The following MARK1 variants were observed in gnomAD, a reference collection of about 807,000 sequenced individuals.
The protein encoded by MARK1 is microtubule affinity regulating kinase 1, also known as serine/threonine-protein kinase MARK1.
In MARK1, 40 loss-of-function variants were observed where a neutral mutation model predicts 96.3. The ratio of observed to expected loss-of-function variants is 0.42; its 90% CI spans 0.32 to 0.54. The LOEUF (loss-of-function observed/expected upper bound fraction) is 0.54, where lower values mean the gene tolerates loss of function less well. Ranked by LOEUF, MARK1 falls within the 20% of genes least tolerant of loss-of-function variation. MARK1 has a pLI of 0.16. For synonymous variants in MARK1, 317 were observed against 341.2 expected (o/e 0.93, Z 0.78); for missense variants, 719 against 984.6 (o/e 0.73, Z 3.61).
At chr1:220,602,364 CA>C (rs1665801528) in intron 5 of MARK1, among the ~76,000 whole-genome samples, 1 of 152,084 alleles carries the variant, frequency 6.6e-6, no homozygotes, top group African/African-American at 2.4e-5. Flanking sequence ...TACCATGTGT[CA>C]GGTAATGTTC....
intron 1 of MARK1, among the ~76,000 whole-genome samples, chr1:220,530,723 T>C (rs928759028): frequency 9.9e-5 from 15 of 152,174 alleles, no homozygotes; most frequent in African/African-American, 3.6e-4. Flanking sequence ...TAAATTTTGT[T>C]GTGAGTACCT....
At chr1:220,561,602 G>A (rs74139766) in intron 1 of MARK1, among the ~76,000 whole-genome samples, 1,709 of 152,256 alleles carry the variant, frequency 0.011, 25 homozygotes, top group African/African-American at 0.039. Context: ...CAATGTGACA[G>A]GATTTAAGCA....
intron 3 of MARK1, among the ~76,000 whole-genome samples, chr1:220,591,806 C>G (rs1664999601): frequency 6.6e-6 from 1 of 152,030 alleles, no homozygotes; most frequent in African/African-American, 2.4e-5. Flanking sequence ...TTACCTTGTA[C>G]AGATCACACT....
At chr1:220,635,324 CTTTTTT>C (rs71794752) in intron 11 of MARK1, 46 bp from the exon 12 acceptor site, 131 of 1,153,818 alleles carry the variant, frequency 1.1e-4, no homozygotes, top group South Asian at 3.3e-4. Flanking sequence ...TTTGTGCAAA[CTTTTTT>C]TTTTTTTTTT....
At chr1:220,528,995 T>G (rs768046997) in intron 1 of MARK1, 122 bp downstream of exon 1, 12 of 937,236 alleles carry the variant, frequency 1.3e-5, no homozygotes, top group Non-Finnish European at 1.6e-5. Flanking sequence ...GGTCTCCACC[T>G]GGAGCCCGGC....
chr1:220,571,205 A>G (rs888938232), intron 1 of MARK1, among the ~76,000 whole-genome samples: 2 of 152,210 alleles, frequency 1.3e-5, no homozygotes, highest in African/African-American at 4.8e-5. Flanking sequence ...ATAGAAGATA[A>G]CATATTTAGT....
intron 6 of MARK1, among the ~76,000 whole-genome samples, chr1:220,609,305 G>A (rs1334096563): frequency 2.0e-5 from 3 of 152,162 alleles, no homozygotes; most frequent in Non-Finnish European, 4.4e-5. Context: ...TTACCATTAT[G>A]TAATGGCCTT....
At chr1:220,627,661 C>T in intron 9 of MARK1, 1 of 183,920 alleles carries the variant, frequency 5.4e-6, no homozygotes, top group South Asian at 1.1e-4. Flanking sequence ...TCCTTCCATC[C>T]TTCCCCAGTT....
In MARK1 at chr1:220,631,106, TC is replaced by T; in HGVS notation, c.983del (p.Pro328ArgfsTer9). On this transcript the variant is annotated frameshift_variant, in exon 10 of 18. Coordinates refer to ENST00000366917, the MANE Select transcript of MARK1 (RefSeq NM_018650.5). LOFTEE classifies it high-confidence loss of function. Reference protein sequence around the residue: ...EELKPYTEPDPDFNDTKRIDI... With the variant: ...EELKPYTEPDXDFNDTKRIDI... Reference sequence around the variant, plus strand: ...AACTAAAGCCATATACTGAGCCTGATCCGGATTTCAATGACACAAAAAGAAT... The same window carrying T: ...AACTAAAGCCATATACTGAGCCTGATCGGATTTCAATGACACAAAAAGAAT... The T allele has an allele frequency of 6.2e-7, 1 of 1,612,748 alleles. No homozygotes were observed.
At chr1:220,613,220 G>A (rs1162063679) in intron 6 of MARK1, among the ~76,000 whole-genome samples, 3 of 152,198 alleles carry the variant, frequency 2.0e-5, no homozygotes, top group Non-Finnish European at 4.4e-5. Flanking sequence ...CTTGCATTGA[G>A]TCAGAAGGCA....
chr1:220,549,312 TTAAC>T (rs930154959), intron 1 of MARK1, among the ~76,000 whole-genome samples: 3 of 152,192 alleles, frequency 2.0e-5, no homozygotes, highest in African/African-American at 4.8e-5. Flanking sequence ...GTTGTTTTGT[TTAAC>T]TAACTGAACA....
chr1:220,633,837 T>C (rs1667804440), intron 11 of MARK1, among the ~76,000 whole-genome samples: 1 of 152,198 alleles, frequency 6.6e-6, no homozygotes. Context: ...GAAGTTCAAT[T>C]TGAGCTGGTT....
chr1:220,655,272 G>A (rs1049522475), intron 16 of MARK1, among the ~76,000 whole-genome samples: 2 of 152,026 alleles, frequency 1.3e-5, no homozygotes, highest in Non-Finnish European at 2.9e-5. Context: ...CACTCTTGGT[G>A]ATCTCAGTCA....
At chr1:220,598,425 G>A (rs1665523358) in intron 4 of MARK1, 46 bp downstream of exon 4, 3 of 222,990 alleles carry the variant, frequency 1.3e-5, no homozygotes, top group Non-Finnish European at 1.8e-5. Context: ...TATAATTAGC[G>A]ATGAAGTGTT....
chr1:220,649,116 G>A (rs1158475408), intron 13 of MARK1, among the ~76,000 whole-genome samples: 2 of 152,200 alleles, frequency 1.3e-5, no homozygotes, highest in Non-Finnish European at 2.9e-5. Context: ...CTTTCAAACT[G>A]TGAAATACGG....
At chr1:220,605,556 T>G (rs2102926219) in intron 6 of MARK1, among the ~76,000 whole-genome samples, 1 of 152,216 alleles carries the variant, frequency 6.6e-6, no homozygotes, top group South Asian at 2.1e-4. Flanking sequence ...AGGGTACATG[T>G]GCACAACATG....
intron 7 of MARK1, among the ~76,000 whole-genome samples, chr1:220,617,997 T>A (rs1666851378): frequency 6.6e-6 from 1 of 152,216 alleles, no homozygotes; most frequent in African/African-American, 2.4e-5. Flanking sequence ...GCTTCCAGGA[T>A]GTTTCTGACT....
intron 1 of MARK1, among the ~76,000 whole-genome samples, chr1:220,568,317 G>T (rs1039812260): frequency 3.9e-5 from 6 of 152,130 alleles, no homozygotes; most frequent in African/African-American, 1.4e-4. Context: ...TGAGGGACCT[G>T]AAGGAATTGG....
intron 1 of MARK1, among the ~76,000 whole-genome samples, chr1:220,532,638 C>T (rs199533854): frequency 6.6e-6 from 1 of 152,194 alleles, no homozygotes; most frequent in African/African-American, 2.4e-5. Context: ...TAATGAAAAT[C>T]TGACACCTTC....
Sources: allele counts gnomAD v4.1 joint callset (sites outside exome capture counted in the v4.1 genomes callset), GRCh38; gene constraint gnomAD v4.1.1; transcripts MANE v1.5; gene names NCBI Gene and HGNC (gene_info 2026-07-23, HGNC 2026-07-21).